COLQ: variants seen among roughly 807,000 people sequenced by gnomAD.
COLQ encodes the protein acetylcholinesterase collagenic tail peptide.
COLQ carries 48 observed loss-of-function variants against 69.0 expected under a neutral mutation model. The observed-to-expected ratio is 0.70, with a 90% confidence interval of 0.55 to 0.88. The LOEUF (loss-of-function observed/expected upper bound fraction) is 0.88, where lower values mean the gene tolerates loss of function less well. Among genes scored for constraint, COLQ ranks in the 40% least tolerant of loss-of-function variants. The pLI, the probability that COLQ is intolerant of heterozygous loss-of-function variation, is 0.00. For missense variants in COLQ, 618 were observed against 594.6 expected, an observed-to-expected ratio of 1.04 and a Z score of -0.41; for synonymous variants, 217 against 211.2, an observed-to-expected ratio of 1.03 and a Z score of -0.24.
At chr3:15,484,962 G>C (rs1204377453) in intron 3 of COLQ, among the ~76,000 whole-genome samples, 2 of 152,238 alleles carry the variant, frequency 1.3e-5, no homozygotes, top group African/African-American at 4.8e-5. Context: ...TCCTTTGGAG[G>C]AGAAGAGGCA....
chr3:15,469,587 G>C (rs775598485), intron 11 of COLQ, among the ~76,000 whole-genome samples: 15 of 152,092 alleles, frequency 9.9e-5, no homozygotes, highest in Non-Finnish European at 1.9e-4. Context: ...AATTGATTGG[G>C]AAAAGACCAG....
chr3:15,456,835 G>A (rs2174266), intron 13 of COLQ, among the ~76,000 whole-genome samples: 2 of 68,900 alleles, frequency 2.9e-5, no homozygotes, highest in South Asian at 5.8e-4. Context: ...TTTTTCTTTT[G>A]TTTTTGAGAT....
At chr3:15,459,434 T>C (rs922598169) in intron 12 of COLQ, among the ~76,000 whole-genome samples, 4 of 151,870 alleles carry the variant, frequency 2.6e-5, no homozygotes, top group Non-Finnish European at 2.9e-5. Context: ...CACTTTTATT[T>C]ATTTATTAAA....
chr3:15,480,381 T>A (rs1039275569), intron 3 of COLQ, among the ~76,000 whole-genome samples: 2 of 151,734 alleles, frequency 1.3e-5, no homozygotes, highest in Non-Finnish European at 2.9e-5. Flanking sequence ...CCACCCTGTG[T>A]CCAGGTGTTC....
intron 11 of COLQ, among the ~76,000 whole-genome samples, chr3:15,469,641 C>G (rs1334178407): frequency 6.6e-6 from 1 of 152,080 alleles, no homozygotes; most frequent in Non-Finnish European, 1.5e-5. Flanking sequence ...CCTGGCTGCA[C>G]ATTAAAATCA....
chr3:15,464,264 G>A (rs2062164581), intron 12 of COLQ, among the ~76,000 whole-genome samples: 1 of 152,168 alleles, frequency 6.6e-6, no homozygotes, highest in Admixed American at 6.5e-5. Flanking sequence ...GTTGAACTGT[G>A]GGGACCAGGA....
At chr3:15,479,277 GC>G (rs1296648816) in intron 4 of COLQ, 60 bp downstream of exon 4, 3 of 1,531,460 alleles carry the variant, frequency 2.0e-6, no homozygotes, top group Non-Finnish European at 2.7e-6. Flanking sequence ...TCAGTGGGAT[GC>G]CCAGAAAACA....
chr3:15,452,148 C>T (rs1215420571), intron 16 of COLQ, among the ~76,000 whole-genome samples: 3 of 150,770 alleles, frequency 2.0e-5, no homozygotes, highest in Non-Finnish European at 4.4e-5. Context: ...CTCACTGCAG[C>T]CTCTGCCTCC....
rs190150042 is a variant in COLQ at position 15,483,785 on chromosome 3, A to T, written c.322-4403T>A. Among the ~76,000 whole-genome samples, 45 of 152,200 alleles carry T rather than the reference A, an allele frequency of 3.0e-4. 1 individual carries two copies. The East Asian group carries it at 8.1e-3, about 27-fold the overall frequency. Reference sequence around the variant, plus strand: ...GATATCCTTGTTAACTTTCTGTCTCATTGATCTGTCTAATGTTGACAGTGG... The same window carrying T: ...GATATCCTTGTTAACTTTCTGTCTCTTTGATCTGTCTAATGTTGACAGTGG... On this transcript the variant is annotated intron_variant, in intron 3 of 16. Coordinates refer to ENST00000383788, the MANE Select transcript of COLQ (RefSeq NM_005677.4).
At chr3:15,468,626 T>G (rs3773451) in intron 11 of COLQ, among the ~76,000 whole-genome samples, 75,570 of 152,010 alleles carry the variant, frequency 0.5, 19,415 homozygotes, top group African/African-American at 0.61. Context: ...GAGTCGCCAC[T>G]CCCGGCTGAG....
At chr3:15,499,631 A>G (rs1174467521) in intron 1 of COLQ, among the ~76,000 whole-genome samples, 1 of 152,248 alleles carries the variant, frequency 6.6e-6, no homozygotes, top group African/African-American at 2.4e-5. Context: ...TTCAAAAGAA[A>G]GGACACTTAT....
At chr3:15,492,011 T>C (rs1333113494) in intron 1 of COLQ, among the ~76,000 whole-genome samples, 4 of 151,804 alleles carry the variant, frequency 2.6e-5, no homozygotes, top group Non-Finnish European at 1.5e-5. Context: ...TGAGCTGAGA[T>C]TGTGCCACTG....
At chr3:15,476,397 T>C (rs556198125) in intron 6 of COLQ, among the ~76,000 whole-genome samples, 53 of 152,342 alleles carry the variant, frequency 3.5e-4, no homozygotes, top group Non-Finnish European at 5.6e-4. Flanking sequence ...GAGGGTCACA[T>C]GTGGCTACTG....
chr3:15,506,624 A>G (rs983290), intron 1 of COLQ: 62,471 of 152,058 alleles, frequency 0.41, 13,836 homozygotes, highest in East Asian at 0.62. Context: ...TTTTGTTTAA[A>G]AGACAGCATT....
chr3:15,473,084 T>C lies in COLQ; in HGVS notation c.636+916A>G, dbSNP rs2062318891. On this transcript the variant is annotated intron_variant, in intron 10 of 16. Transcript: ENST00000383788. This position sits in a 1 kb window ranked among gnomAD's most constrained non-coding sequence, Gnocchi z 4.0. ...ATTGCCCAAGCTGAGTATTTTTTTCTTTAAGTTACCTGAAATGGACCCTTT... is the reference window on the plus strand; with the variant it reads ...ATTGCCCAAGCTGAGTATTTTTTTCCTTAAGTTACCTGAAATGGACCCTTT... Among the ~76,000 whole-genome samples the C allele has an allele frequency of 6.6e-6, 1 of 152,084 alleles. No individual in the cohort carries two copies. Among genetic ancestry groups the C allele is most frequent in the Non-Finnish European group, 1.5e-5 (1 of 68,018 alleles).
intron 11 of COLQ, among the ~76,000 whole-genome samples, chr3:15,466,940 C>T (rs539300398): frequency 1.3e-5 from 2 of 152,350 alleles, no homozygotes; most frequent in South Asian, 2.1e-4. Context: ...TTCCCCCTAG[C>T]CTAGTTAACT....
chr3:15,458,205 C>A lies in COLQ; in HGVS notation c.935G>T (p.Ser312Ile), dbSNP rs1221194699. 1 of 1,613,960 alleles carries A rather than the reference C, an allele frequency of 6.2e-7. No homozygotes were observed. The highest frequency in any genetic ancestry group is 8.5e-7 in the Non-Finnish European group (1 of 1,180,036). ...CCTTACCACAGGAACTCGCGGGGAA[C>A]TGGGCCCATACACAGATTCCCCGTA... ...PSYGESVYGPSSPRVPVIFVV... is the reference protein window; with the variant it reads ...PSYGESVYGPISPRVPVIFVV... The change falls in exon 13 of 17, where the codon AGT (serine) becomes ATT (isoleucine). Residue 312 changes from serine to isoleucine, a missense_variant. Ser to Ile is a moderately radical substitution (Grantham distance 142, BLOSUM62 -2). Coordinates refer to ENST00000383788, the MANE Select transcript of COLQ (RefSeq NM_005677.4).
At chr3:15,505,298 A>G (rs530789634) in intron 1 of COLQ, among the ~76,000 whole-genome samples, 1 of 152,352 alleles carries the variant, frequency 6.6e-6, no homozygotes, top group Admixed American at 6.5e-5. Context: ...CCTAACCCAC[A>G]GAGATGTCTT....
intron 1 of COLQ, among the ~76,000 whole-genome samples, chr3:15,513,430 A>C (rs887566044): frequency 5.3e-5 from 8 of 152,158 alleles, no homozygotes; most frequent in African/African-American, 1.9e-4. Flanking sequence ...TTCTCCAACC[A>C]TGGGAAGTTG....
Sources: allele counts gnomAD v4.1 joint callset (sites outside exome capture counted in the v4.1 genomes callset), GRCh38; gene constraint gnomAD v4.1.1; non-coding constraint Gnocchi (gnomAD v3.1); transcripts MANE v1.5; gene names NCBI Gene and HGNC (gene_info 2026-07-23, HGNC 2026-07-21).